INPP4B: variants seen among roughly 807,000 people sequenced by gnomAD.
INPP4B encodes inositol polyphosphate 4-phosphatase type II.
INPP4B carries 55 observed loss-of-function variants against 122.5 expected under a neutral mutation model. The ratio of observed to expected loss-of-function variants is 0.45; its 90% confidence interval spans 0.36 to 0.56. The LOEUF is 0.56. INPP4B is among the 20% of genes least tolerant of loss of function. The pLI, the probability that INPP4B is intolerant of heterozygous loss-of-function variation, is 0.00. For synonymous variants in INPP4B, 403 were observed against 388.7 expected, an observed-to-expected ratio of 1.04 and a Z score of -0.43; for missense variants, 1,000 against 1,097.7, an observed-to-expected ratio of 0.91 and a Z score of 1.26.
intron 12 of INPP4B, among the ~76,000 whole-genome samples, chr4:142,222,931 C>T (rs1437568952): frequency 6.6e-6 from 1 of 152,148 alleles, no homozygotes; most frequent in Non-Finnish European, 1.5e-5. Flanking sequence ...ATTGTTTTAC[C>T]ATGTATATGG....
At chr4:142,110,738 G>T (rs1319211700) in intron 22 of INPP4B, among the ~76,000 whole-genome samples, 1 of 152,058 alleles carries the variant, frequency 6.6e-6, no homozygotes, top group East Asian at 1.9e-4. Context: ...TTCTTAGTAT[G>T]CAAGAGAGAT....
At chr4:142,834,093 A>G (rs886393675) in intron 1 of INPP4B, among the ~76,000 whole-genome samples, 7 of 152,290 alleles carry the variant, frequency 4.6e-5, no homozygotes, top group African/African-American at 1.7e-4. Context: ...CCAAGCTCCA[A>G]AATATATATT....
chr4:142,800,705 T>C (rs1282192623), intron 1 of INPP4B, among the ~76,000 whole-genome samples: 2 of 152,202 alleles, frequency 1.3e-5, no homozygotes, highest in African/African-American at 2.4e-5. Flanking sequence ...TATAGTATAA[T>C]ACTGACTTCT....
chr4:142,818,458 G>GTA (rs1224340220), intron 1 of INPP4B, among the ~76,000 whole-genome samples: 1 of 151,996 alleles, frequency 6.6e-6, no homozygotes, highest in Non-Finnish European at 1.5e-5. Flanking sequence ...GTGTGTGTGT[G>GTA]TGTATTTCCA....
At chr4:142,319,497 GT>G (rs923143393) in intron 7 of INPP4B, among the ~76,000 whole-genome samples, 1 of 152,134 alleles carries the variant, frequency 6.6e-6, no homozygotes, top group Admixed American at 6.5e-5. Flanking sequence ...CAACAGAAAT[GT>G]TTTGCCCTGC....
intron 7 of INPP4B, among the ~76,000 whole-genome samples, chr4:142,325,558 T>C (rs1772009414): frequency 6.7e-6 from 1 of 150,148 alleles, no homozygotes; most frequent in South Asian, 2.1e-4. Context: ...TACCAAATTA[T>C]GTATACAAGT....
chr4:142,196,623 T>C (rs762098747), intron 14 of INPP4B, among the ~76,000 whole-genome samples: 10 of 152,202 alleles, frequency 6.6e-5, no homozygotes, highest in African/African-American at 9.7e-5. Flanking sequence ...TCTGTCAGGA[T>C]GACTACTGCC....
chr4:142,061,233 C>A (rs558454084), intron 25 of INPP4B, among the ~76,000 whole-genome samples: 3 of 152,312 alleles, frequency 2.0e-5, no homozygotes, highest in African/African-American at 7.2e-5. Context: ...AAGTAGCAAA[C>A]TCCCTGCTAC....
chr4:142,073,135 C>T (rs1351300381), intron 25 of INPP4B, among the ~76,000 whole-genome samples: 1 of 152,024 alleles, frequency 6.6e-6, no homozygotes, highest in African/African-American at 2.4e-5. Context: ...TAATAAAATA[C>T]CAATTTTGCA....
In INPP4B at chr4:142,662,244, C is replaced by A. The variant is rs554746452; in HGVS notation, c.-191+63595G>T. On this transcript the variant is annotated intron_variant, in intron 2 of 25. Transcript: ENST00000262992. Reference sequence around the variant, plus strand: ...AGTGAGACTGCCTCAAAAAAAAAAACAAAAAACAAAAAAACGGTGGGAGAG... The same window carrying A: ...AGTGAGACTGCCTCAAAAAAAAAAAAAAAAAACAAAAAAACGGTGGGAGAG... Among the ~76,000 whole-genome samples, 216 of 149,734 alleles carry A rather than the reference C, an allele frequency of 1.4e-3. 1 individual carries two copies. Among genetic ancestry groups the A allele is most frequent in the Non-Finnish European group, 2.3e-3 (153 of 67,322 alleles).
At chr4:142,082,524 A>C (rs1401756591) in intron 24 of INPP4B, among the ~76,000 whole-genome samples, 2 of 152,242 alleles carry the variant, frequency 1.3e-5, no homozygotes, top group Non-Finnish European at 2.9e-5. Context: ...CCAGCTCAGA[A>C]ATAACACCAT....
chr4:142,675,678 C>T (rs1317534481), intron 2 of INPP4B, among the ~76,000 whole-genome samples: 2 of 152,170 alleles, frequency 1.3e-5, no homozygotes, highest in Non-Finnish European at 2.9e-5. Flanking sequence ...CCCTGGGACG[C>T]AAGTCTGGTT....
At chr4:142,091,104 C>A (rs1036249768) in intron 23 of INPP4B, among the ~76,000 whole-genome samples, 3 of 152,218 alleles carry the variant, frequency 2.0e-5, no homozygotes, top group African/African-American at 7.2e-5. Flanking sequence ...GGGTGGTAAC[C>A]TGGAGGGGTA....
At chr4:142,452,543 A>G (rs1037423086) in intron 3 of INPP4B, among the ~76,000 whole-genome samples, 2 of 152,208 alleles carry the variant, frequency 1.3e-5, no homozygotes, top group Admixed American at 6.5e-5. Context: ...GTAGAATTGA[A>G]GAGGTATAAA....
At chr4:142,209,990 C>T (rs1844233806) in intron 12 of INPP4B, among the ~76,000 whole-genome samples, 3 of 152,154 alleles carry the variant, frequency 2.0e-5, no homozygotes, top group Admixed American at 2.0e-4. Context: ...TAAATCTCTA[C>T]CCTTTAGCCA....
chr4:142,644,822 G>C (rs1291756473), intron 2 of INPP4B, among the ~76,000 whole-genome samples: 1 of 134,276 alleles, frequency 7.4e-6, no homozygotes, highest in Non-Finnish European at 1.5e-5. Flanking sequence ...AGAATCACTT[G>C]AACCTGGGTG....
intron 2 of INPP4B, among the ~76,000 whole-genome samples, chr4:142,545,737 ATATGTGTATATATATACACATG>A (rs1829511800): frequency 9.9e-6 from 1 of 100,668 alleles, no homozygotes; most frequent in African/African-American, 5.2e-5. Flanking sequence ...ATATACACAT[ATATGTGTATATATATACACATG>A]TATATGTGTG....
At chr4:142,595,494 A>G (rs2150269370) in intron 2 of INPP4B, among the ~76,000 whole-genome samples, 1 of 152,362 alleles carries the variant, frequency 6.6e-6, no homozygotes, top group East Asian at 1.9e-4. Context: ...ATGGAATGTC[A>G]AAGTACAAAT....
At chr4:142,503,212 G>C (rs1239560748) in intron 2 of INPP4B, among the ~76,000 whole-genome samples, 1 of 152,082 alleles carries the variant, frequency 6.6e-6, no homozygotes, top group Non-Finnish European at 1.5e-5. Flanking sequence ...CTCAAAATGA[G>C]GGAAGATGAA....
Sources: allele counts gnomAD v4.1 joint callset (sites outside exome capture counted in the v4.1 genomes callset), GRCh38; gene constraint gnomAD v4.1.1; transcripts MANE v1.5; gene names NCBI Gene and HGNC (gene_info 2026-07-23, HGNC 2026-07-21).